The following MEI4 variants were observed in gnomAD, a reference collection of about 807,000 sequenced individuals.
MEI4 encodes the protein meiotic double-stranded break formation protein 4.
In MEI4, 27 loss-of-function variants were observed where a neutral mutation model predicts 31.4. The ratio of observed to expected loss-of-function variants is 0.86; its 90% CI spans 0.63 to 1.19. MEI4 has a LOEUF of 1.19. MEI4 is among the 50% of genes most tolerant of loss of function. The pLI is 0.00. For synonymous variants in MEI4, 122 were observed against 145.4 expected (o/e 0.84, Z 1.16); for missense variants, 329 against 398.9 (o/e 0.82, Z 1.49).
intron 3 of MEI4, among the ~76,000 whole-genome samples, chr6:77,806,640 A>G (rs1769448470): frequency 6.6e-6 from 1 of 152,190 alleles, no homozygotes; most frequent in Non-Finnish European, 1.5e-5. Flanking sequence ...AGGAACTTCT[A>G]GAGCATGGAG....
intron 3 of MEI4, among the ~76,000 whole-genome samples, chr6:77,765,212 T>TGTGGCACATATATACCATTG (rs1768140605): frequency 6.6e-6 from 1 of 152,104 alleles, no homozygotes; most frequent in African/African-American, 2.4e-5. Flanking sequence ...AAAAACTTAA[T>TGTGGCACATATATACCATTG]AAATGTTTCT....
At chr6:77,919,633 A>T (rs1196965635) in intron 4 of MEI4, among the ~76,000 whole-genome samples, 1 of 151,426 alleles carries the variant, frequency 6.6e-6, no homozygotes, top group Non-Finnish European at 1.5e-5. Context: ...GCAGAAGGCA[A>T]GAAATAACTA....
At chr6:77,919,551 G>T (rs955521468) in intron 4 of MEI4, among the ~76,000 whole-genome samples, 1 of 151,902 alleles carries the variant, frequency 6.6e-6, no homozygotes, top group African/African-American at 2.4e-5. Context: ...AAGCAGGAAA[G>T]ATCCAAAATT....
chr6:77,720,446 T>G (rs1766685910), intron 2 of MEI4, among the ~76,000 whole-genome samples: 4 of 81,260 alleles, frequency 4.9e-5, no homozygotes, highest in African/African-American at 1.6e-4. Flanking sequence ...AACAAGACAA[T>G]AAATGTTTTT....
intron 2 of MEI4, among the ~76,000 whole-genome samples, chr6:77,714,651 C>T (rs553076895): frequency 1.3e-5 from 2 of 152,220 alleles, no homozygotes; most frequent in East Asian, 1.9e-4. Context: ...CCATTCAAGG[C>T]GCTCTCTATT....
At chr6:77,732,221 T>G (rs186689481) in intron 2 of MEI4, among the ~76,000 whole-genome samples, 1 of 151,856 alleles carries the variant, frequency 6.6e-6, no homozygotes, top group Non-Finnish European at 1.5e-5. Context: ...CCTTGGGCAG[T>G]ATGGCCATTT....
Position 77,737,388 on chromosome 6 carries a change from A to C in MEI4, c.233-23742A>C, listed in dbSNP as rs572574480. Among the ~76,000 whole-genome samples, 4 of 152,234 alleles carry C rather than the reference A, an allele frequency of 2.6e-5. No individual in the cohort carries two copies. In the East Asian group the frequency reaches 5.8e-4, roughly 22 times the overall value. ...AAATAAAAGAGGTGCTGGTATTTTT[A>C]AAAGATTTTTAGTTGTTCTGAAATA... On this transcript the variant is annotated intron_variant, in intron 2 of 4. Transcript: ENST00000684080.
chr6:77,886,733 C>T (rs949817379), intron 4 of MEI4, among the ~76,000 whole-genome samples: 1 of 151,996 alleles, frequency 6.6e-6, no homozygotes, highest in African/African-American at 2.4e-5. Flanking sequence ...GCACCTGGCC[C>T]TGTTAGAGTA....
intron 4 of MEI4, among the ~76,000 whole-genome samples, chr6:77,915,801 TC>T (rs1195673143): frequency 6.6e-6 from 1 of 152,044 alleles, no homozygotes; most frequent in Non-Finnish European, 1.5e-5. Flanking sequence ...TGTCTAAATA[TC>T]TTTTTAGACT....
At chr6:77,806,461 A>G (rs1222946876) in intron 3 of MEI4, among the ~76,000 whole-genome samples, 2 of 152,162 alleles carry the variant, frequency 1.3e-5, no homozygotes, top group Non-Finnish European at 2.9e-5. Flanking sequence ...AGAAATTTAT[A>G]TAACAGGTAT....
In MEI4 at chr6:77,804,201, C is replaced by A. The variant is rs555916166; in HGVS notation, c.769-24730C>A. 1.4e-3 allele frequency among the ~76,000 whole-genome samples: 214 copies of A among 152,264 alleles called. 1 individual carries two copies. The highest frequency in any genetic ancestry group is 4.5e-3 in the African/African-American group (186 of 41,554). ...CGCCCCTCCCCCAGCCTCGCTACCG[C>A]CTTGCAGTTTGATCTCAGACTGCTG... On this transcript the variant is annotated intron_variant, in intron 3 of 4. Transcript: ENST00000684080.
At chr6:77,902,500 G>T (rs576719325) in intron 4 of MEI4, among the ~76,000 whole-genome samples, 1 of 151,984 alleles carries the variant, frequency 6.6e-6, no homozygotes, top group Non-Finnish European at 1.5e-5. Context: ...TGATTGTGTG[G>T]CTAGTTCATT....
At chr6:77,920,156 A>G (rs1300994697) in intron 4 of MEI4, among the ~76,000 whole-genome samples, 2 of 151,486 alleles carry the variant, frequency 1.3e-5, no homozygotes, top group Non-Finnish European at 2.9e-5. Context: ...TTATGAGGCC[A>G]GCATCATTCT....
rs140389020 is a variant in MEI4, at chr6:77,832,967, T to G, written c.900+3905T>G. Among the ~76,000 whole-genome samples the G allele has an allele frequency of 2.6e-5, 4 of 152,298 alleles. No homozygotes were observed. The East Asian group carries it at 7.7e-4, about 29-fold the overall frequency. ...ATTTTTGAAAGGTGGTTTTGTGAAC[T>G]CTTATCCTAGTATCCTTTCTCTAGC... On this transcript the variant is annotated intron_variant, in intron 4 of 4. Transcript: ENST00000684080.
At chr6:77,781,028 A>C (rs1376929085) in intron 3 of MEI4, among the ~76,000 whole-genome samples, 2 of 152,078 alleles carry the variant, frequency 1.3e-5, no homozygotes, top group African/African-American at 2.4e-5. Context: ...CCGAGACTGC[A>C]TGCCCACAGA....
intron 3 of MEI4, among the ~76,000 whole-genome samples, chr6:77,783,099 G>T (rs773646961): frequency 6.6e-6 from 1 of 152,140 alleles, no homozygotes; most frequent in Non-Finnish European, 1.5e-5. Flanking sequence ...GGAAACAGAA[G>T]AATTGAGTTT....
intron 3 of MEI4, among the ~76,000 whole-genome samples, chr6:77,819,422 T>C (rs2127707791): frequency 6.6e-6 from 1 of 152,276 alleles, no homozygotes; most frequent in Non-Finnish European, 1.5e-5. Context: ...TGCTCAAAAC[T>C]TAGAGAAATC....
chr6:77,841,529 A>T (rs1438024538), intron 4 of MEI4, among the ~76,000 whole-genome samples: 1 of 150,950 alleles, frequency 6.6e-6, no homozygotes, highest in South Asian at 2.1e-4. Flanking sequence ...TTTAGTAGAG[A>T]TGGAGTTTCA....
chr6:77,866,153 T>C (rs1203609201), intron 4 of MEI4, among the ~76,000 whole-genome samples: 139 of 151,854 alleles, frequency 9.2e-4, no homozygotes, highest in African/African-American at 2.8e-3. Flanking sequence ...GGAAGCATTC[T>C]CTTTGAAAAC....
Sources: gnomAD v4.1 joint callset for allele counts (sites outside exome capture counted in the v4.1 genomes callset) on GRCh38, gnomAD v4.1.1 for gene constraint, MANE v1.5 for transcripts, NCBI Gene and HGNC (gene_info 2026-07-23, HGNC 2026-07-21) for gene names.